LUZP2: variants seen among roughly 807,000 people sequenced by gnomAD.
LUZP2 encodes leucine zipper protein 2.
A neutral mutation model predicts 51.6 loss-of-function variants in LUZP2; 52 were observed. The ratio of observed to expected loss-of-function variants is 1.01; its 90% CI spans 0.81 to 1.27. The LOEUF (loss-of-function observed/expected upper bound fraction) is 1.27. Ranked by LOEUF, LUZP2 falls within the 50% of genes most tolerant of loss-of-function variation. The probability of loss-of-function intolerance (pLI) is 0.00; values close to 1 mark genes in which losing one functional copy is unlikely to be tolerated. For synonymous variants in LUZP2, 154 were observed against 137.3 expected, an observed-to-expected ratio of 1.12 and a Z score of -0.85; for missense variants, 436 against 395.4, an observed-to-expected ratio of 1.10 and a Z score of -0.87.
At chr11:24,506,679 G>C (rs1219486323) in intron 1 of LUZP2, among the ~76,000 whole-genome samples, 2 of 152,052 alleles carry the variant, frequency 1.3e-5, no homozygotes, top group African/African-American at 2.4e-5. Context: ...GTGTGTAGAA[G>C]TGCTAGCTAC....
chr11:24,992,725 C>T (rs1262737326), intron 9 of LUZP2, among the ~76,000 whole-genome samples: 1 of 152,050 alleles, frequency 6.6e-6, no homozygotes, highest in Non-Finnish European at 1.5e-5. Context: ...ATTTATAATT[C>T]ATTTTGATGT....
intron 1 of LUZP2, among the ~76,000 whole-genome samples, chr11:24,497,648 G>T (rs1434938384): frequency 6.6e-6 from 1 of 152,174 alleles, no homozygotes; most frequent in Admixed American, 6.5e-5. Flanking sequence ...TAGGCAAGGA[G>T]GGAATTGCCA....
At chr11:24,579,421 A>G (rs1224254630) in intron 1 of LUZP2, among the ~76,000 whole-genome samples, 1 of 152,090 alleles carries the variant, frequency 6.6e-6, no homozygotes, top group African/African-American at 2.4e-5. Flanking sequence ...TACTATAGCA[A>G]TTTTTATTTC....
rs551369352 is a variant in LUZP2, at chr11:24,905,343, G to A, written c.397-648G>A. Among the ~76,000 whole-genome samples, 8 of 152,126 alleles carry A rather than the reference G, an allele frequency of 5.3e-5. No individual in the cohort carries two copies. In the South Asian group the frequency reaches 1.7e-3, roughly 32 times the overall value. ...AGTTCAAGACCAGCCTGGCCAACAT[G>A]GCGAAACCTCATCTCTACTTAAAAT... On this transcript the variant is annotated intron_variant, in intron 5 of 11. Coordinates refer to ENST00000336930, the MANE Select transcript of LUZP2 (RefSeq NM_001009909.4).
At chr11:24,796,289 A>G (rs1849541754) in intron 5 of LUZP2, among the ~76,000 whole-genome samples, 1 of 152,104 alleles carries the variant, frequency 6.6e-6, no homozygotes, top group African/African-American at 2.4e-5. Flanking sequence ...TAACCCGATT[A>G]GAGTTTTCTA....
At chr11:24,662,583 T>G (rs1856058600) in intron 1 of LUZP2, among the ~76,000 whole-genome samples, 1 of 151,996 alleles carries the variant, frequency 6.6e-6, no homozygotes, top group Admixed American at 6.6e-5. Flanking sequence ...AATGAGGACA[T>G]AAAATATTCC....
At chr11:24,848,450 G>C (rs1191266865) in intron 5 of LUZP2, among the ~76,000 whole-genome samples, 3 of 152,054 alleles carry the variant, frequency 2.0e-5, no homozygotes, top group Admixed American at 1.3e-4. Context: ...ATTATCTTCA[G>C]CTCCCACCCT....
intron 1 of LUZP2, among the ~76,000 whole-genome samples, chr11:24,705,753 T>TA (rs1334764215): frequency 6.6e-6 from 1 of 152,194 alleles, no homozygotes; most frequent in Non-Finnish European, 1.5e-5. Flanking sequence ...CCTGGACTGC[T>TA]AAAAAGTGAC....
intron 9 of LUZP2, among the ~76,000 whole-genome samples, chr11:25,029,755 A>G (rs908398054): frequency 3.4e-5 from 5 of 146,800 alleles, no homozygotes; most frequent in African/African-American, 7.7e-5. Context: ...AAAAAAAAGT[A>G]TAATTATTTC....
chr11:24,836,740 G>A (rs1850871103), intron 5 of LUZP2, among the ~76,000 whole-genome samples: 1 of 151,766 alleles, frequency 6.6e-6, no homozygotes, highest in Admixed American at 6.6e-5. Context: ...GAATGATTGA[G>A]GGAGACTAAA....
At chr11:24,522,550 CTGTATAGCTCAT>C (rs568685982) in intron 1 of LUZP2, among the ~76,000 whole-genome samples, 1 of 152,144 alleles carries the variant, frequency 6.6e-6, no homozygotes, top group African/African-American at 2.4e-5. Flanking sequence ...TCTTAGTATC[CTGTATAGCTCAT>C]TGTCAAAAGC....
chr11:24,705,925 C>T (rs1857565847), intron 1 of LUZP2, among the ~76,000 whole-genome samples: 1 of 137,664 alleles, frequency 7.3e-6, no homozygotes, highest in Non-Finnish European at 1.6e-5. Flanking sequence ...GCTCATAGCG[C>T]TAAAAAAGAA....
chr11:24,670,344 C>A, intron 1 of LUZP2, among the ~76,000 whole-genome samples: 1 of 151,964 alleles, frequency 6.6e-6, no homozygotes, highest in East Asian at 1.9e-4. Context: ...ACAGTCACAG[C>A]CACTACAAGT....
intron 1 of LUZP2, among the ~76,000 whole-genome samples, chr11:24,670,672 T>A (rs183190158): frequency 2.6e-5 from 4 of 152,160 alleles, no homozygotes; most frequent in Admixed American, 2.0e-4. Flanking sequence ...CCAGAGTTTT[T>A]AATTAATTTA....
chr11:24,576,929 A>AT (rs1852671983), intron 1 of LUZP2, among the ~76,000 whole-genome samples: 1 of 151,980 alleles, frequency 6.6e-6, no homozygotes, highest in Non-Finnish European at 1.5e-5. Flanking sequence ...AAATATAGTA[A>AT]TTTTTTAAAA....
chr11:24,861,416 A>G (rs1199057728), intron 5 of LUZP2, among the ~76,000 whole-genome samples: 2 of 152,242 alleles, frequency 1.3e-5, no homozygotes, highest in African/African-American at 2.4e-5. Flanking sequence ...AATGCAAACA[A>G]GCTAGGAAAC....
At chr11:24,983,037 G>T in intron 8 of LUZP2, 89 bp from the exon 9 acceptor site, 1 of 1,240,464 alleles carries the variant, frequency 8.1e-7, no homozygotes, top group Non-Finnish European at 1.1e-6. Flanking sequence ...TTTTTGTGGG[G>T]AGTATAGGCT....
chr11:24,994,209 C>T (rs1301672207), intron 9 of LUZP2, among the ~76,000 whole-genome samples: 2 of 134,430 alleles, frequency 1.5e-5, no homozygotes, highest in Non-Finnish European at 3.1e-5. Flanking sequence ...TTTAATAAGA[C>T]TTTGCCTAGT....
chr11:24,864,503 A>C (rs1851828805), intron 5 of LUZP2, among the ~76,000 whole-genome samples: 1 of 152,222 alleles, frequency 6.6e-6, no homozygotes, highest in Non-Finnish European at 1.5e-5. Flanking sequence ...CATATAGCTC[A>C]ATGATCACAT....
Sources: allele counts gnomAD v4.1 joint callset (sites outside exome capture counted in the v4.1 genomes callset), GRCh38; gene constraint gnomAD v4.1.1; transcripts MANE v1.5; gene names NCBI Gene and HGNC (gene_info 2026-07-23, HGNC 2026-07-21).